PDS5A: variants seen among roughly 807,000 people sequenced by gnomAD.
PDS5A encodes PDS5 cohesin associated factor A, also known as sister chromatid cohesion protein PDS5 homolog A.
Under a neutral mutation model 167.1 loss-of-function variants are expected in PDS5A, and 42 were observed. The ratio of observed to expected loss-of-function variants is 0.25; its 90% CI spans 0.20 to 0.33. PDS5A has a LOEUF of 0.33. Among genes scored for constraint, PDS5A ranks in the 10% least tolerant of loss-of-function variants. The pLI is 1.00. For synonymous variants in PDS5A, 553 were observed against 554.6 expected, an observed-to-expected ratio of 1.00 and a Z score of 0.04; for missense variants, 1,033 against 1,605.9, an observed-to-expected ratio of 0.64 and a Z score of 6.10.
intron 16 of PDS5A, among the ~76,000 whole-genome samples, chr4:39,894,998 C>T (rs952692394): frequency 2.9e-4 from 44 of 151,818 alleles, no homozygotes; most frequent in African/African-American, 9.9e-4. Flanking sequence ...GAGGCCGAGG[C>T]GGGCGGATCA....
chr4:39,913,600 T>G lies in PDS5A; in HGVS notation c.992+11A>C. ...CTAAAATATAAACATCAGAATTATA[T>G]GTTCTCTTACCGTCCAAGAAAACAT... On this transcript the variant is annotated intron_variant, in intron 9 of 32. Coordinates refer to ENST00000303538, the MANE Select transcript of PDS5A (RefSeq NM_001100399.2). The G allele has an allele frequency of 7.1e-7, 1 of 1,416,608 alleles. No individual in the cohort carries two copies. Among genetic ancestry groups the G allele is most frequent in the Non-Finnish European group, 1.0e-6 (1 of 999,774 alleles). 87.8% of individuals were successfully genotyped at this position (1,416,608 alleles called of 1,614,324 possible).
chr4:39,842,937 A>ATATATATATT (rs1433177642), intron 30 of PDS5A, among the ~76,000 whole-genome samples: 7 of 139,732 alleles, frequency 5.0e-5, no homozygotes, highest in Admixed American at 1.4e-4. Context: ...ATATATATAT[A>ATATATATATT]TTTTAAGAGA....
chr4:39,846,620 T>C (rs1374406799), intron 28 of PDS5A: 3 of 152,242 alleles, frequency 2.0e-5, no homozygotes, highest in South Asian at 2.1e-4. Context: ...TTGAGAGTTA[T>C]ATCTATATAA....
At chr4:39,954,756 G>A (rs1362958644) in intron 2 of PDS5A, among the ~76,000 whole-genome samples, 3 of 149,502 alleles carry the variant, frequency 2.0e-5, no homozygotes, top group Non-Finnish European at 3.0e-5. Context: ...AAATAACTAT[G>A]AGGCCAGGCA....
chr4:39,830,960 G>T (rs1055470513), intron 32 of PDS5A, among the ~76,000 whole-genome samples: 2 of 152,228 alleles, frequency 1.3e-5, no homozygotes, highest in Non-Finnish European at 2.9e-5. Context: ...GTTCTGCCGG[G>T]CGCAATGGCT....
intron 11 of PDS5A, among the ~76,000 whole-genome samples, chr4:39,904,629 G>C (rs1723166590): frequency 6.6e-6 from 1 of 152,160 alleles, no homozygotes; most frequent in African/African-American, 2.4e-5. Flanking sequence ...ACCGCGCCCA[G>C]CCTACAAACA....
chr4:39,864,821 T>A (rs988671696), intron 23 of PDS5A, among the ~76,000 whole-genome samples: 1 of 152,218 alleles, frequency 6.6e-6, no homozygotes, highest in Non-Finnish European at 1.5e-5. Flanking sequence ...ATGAGGAAAT[T>A]GAGGCTTACA....
In PDS5A at chr4:39,972,839, T is replaced by C. The variant is rs539518550; in HGVS notation, c.138+3601A>G. 4.0e-4 allele frequency among the ~76,000 whole-genome samples: 58 copies of C among 143,758 alleles called. No homozygotes were observed. The South Asian group carries it at 0.013, about 31-fold the overall frequency. The allele number at this position is 143,758 out of a possible 152,430, so 94.3% of individuals were successfully genotyped here. A position where few individuals can be genotyped will look rare whatever the true frequency, so the allele number is the denominator to read the frequency against. On this transcript the variant is annotated intron_variant, in intron 2 of 32. Coordinates refer to ENST00000303538, the MANE Select transcript of PDS5A (RefSeq NM_001100399.2). ...AAGGAATGCTTTAAATTTTTGTACT[T>C]TGCTGAAAATTATTTTTCCCAGGAT...
intron 2 of PDS5A, among the ~76,000 whole-genome samples, chr4:39,958,677 C>CA (rs1245616392): frequency 6.6e-6 from 1 of 151,258 alleles, no homozygotes; most frequent in African/African-American, 2.4e-5. Context: ...TGCAGTGGCA[C>CA]AATCTCTGCT....
intron 32 of PDS5A, among the ~76,000 whole-genome samples, chr4:39,826,470 C>T (rs972030233): frequency 1.6e-5 from 1 of 61,964 alleles, no homozygotes; most frequent in Non-Finnish European, 4.4e-5. Flanking sequence ...ATTCATTCCA[C>T]ATTTTTATTT....
chr4:39,931,166 T>C (rs1447869129), intron 2 of PDS5A, among the ~76,000 whole-genome samples: 3 of 151,972 alleles, frequency 2.0e-5, no homozygotes, highest in Admixed American at 2.0e-4. Flanking sequence ...CTCAGCTCAC[T>C]GCAACCTCCA....
intron 10 of PDS5A, among the ~76,000 whole-genome samples, chr4:39,909,405 G>A (rs945402908): frequency 2.0e-5 from 3 of 152,078 alleles, no homozygotes; most frequent in Non-Finnish European, 4.4e-5. Context: ...GATTACACGC[G>A]TGAGCCACCA....
Position 39,844,800 on chromosome 4 carries a change from G to A in PDS5A, c.3404C>T (p.Pro1135Leu), listed in dbSNP as rs1356331360. The A allele has an allele frequency of 4.4e-6, 7 of 1,590,498 alleles. No individual in the cohort carries two copies. Among genetic ancestry groups the A allele is most frequent in the Admixed American group, 1.9e-5 (1 of 51,902 alleles). The stretch of plus-strand genomic sequence containing the variant: ...TGCACCTAGTACTCCAGCAGGCTTT[G>A]GCTAAAAACAAAAACAAAAAACCCC... ...ETRVLLLTGK[P>L]KPAGVLGAVN... Residue 1135 changes from proline to leucine, a missense_variant and splice_region_variant, in exon 30 of 33, where the codon CCA becomes CTA. By Grantham distance (98) the Pro-to-Leu change is moderately conservative. Around this residue, in one of 4 missense-constraint regions of PDS5A, gnomAD observed 233 missense variants for 264.0 expected, o/e 0.88. Transcript: ENST00000303538.
intron 2 of PDS5A, among the ~76,000 whole-genome samples, chr4:39,931,559 T>A (rs1170359773): frequency 2.0e-5 from 3 of 152,180 alleles, no homozygotes; most frequent in Non-Finnish European, 4.4e-5. Context: ...CTTGCTGTTG[T>A]TGAAAGGCTT....
At chr4:39,974,176 G>C in intron 2 of PDS5A, 1 of 576,870 alleles carries the variant, frequency 1.7e-6, no homozygotes, top group Non-Finnish European at 3.4e-6. Context: ...CTGCTCTACT[G>C]AGACCAAGTC....
intron 31 of PDS5A, among the ~76,000 whole-genome samples, chr4:39,839,866 T>C (rs1292926331): frequency 3.3e-5 from 5 of 151,318 alleles, no homozygotes; most frequent in South Asian, 2.1e-4. Flanking sequence ...GAGGCCAAGG[T>C]GGGCGAATCA....
chr4:39,947,744 A>G (rs1357682480), intron 2 of PDS5A, among the ~76,000 whole-genome samples: 1 of 152,174 alleles, frequency 6.6e-6, no homozygotes, highest in Non-Finnish European at 1.5e-5. Flanking sequence ...AAGCTTGTTT[A>G]TAAGAACCCA....
chr4:39,901,695 G>A (rs1043864695), intron 13 of PDS5A, among the ~76,000 whole-genome samples: 3 of 152,082 alleles, frequency 2.0e-5, no homozygotes, highest in Non-Finnish European at 4.4e-5. Flanking sequence ...TGCCCAGGAT[G>A]GTCAAGCTTC....
intron 2 of PDS5A, among the ~76,000 whole-genome samples, chr4:39,974,612 T>C (rs1312839300): frequency 6.6e-6 from 1 of 152,096 alleles, no homozygotes; most frequent in East Asian, 2.0e-4. Context: ...TGGCGCGATC[T>C]CCGCTCATCA....
Sources: allele counts gnomAD v4.1 joint callset (sites outside exome capture counted in the v4.1 genomes callset), GRCh38; gene constraint gnomAD v4.1.1; regional missense constraint gnomAD v4.1.1; transcripts MANE v1.5; gene names NCBI Gene and HGNC (gene_info 2026-07-23, HGNC 2026-07-21).